Variants in ZNF600 observed in about 807,000 individuals in gnomAD.
ZNF600 encodes zinc finger protein KR-ZNF1.
A neutral mutation model predicts 7.3 loss-of-function variants in ZNF600; 4 were observed. The observed-to-expected ratio is 0.55, with a 90% CI of 0.27 to 1.25. ZNF600 has a LOEUF of 1.25. Among genes scored for constraint, ZNF600 ranks in the 50% most tolerant of loss-of-function variants. The pLI, the probability that ZNF600 is intolerant of heterozygous loss-of-function variation, is 0.12. For missense variants in ZNF600, 911 were observed against 922.1 expected, an observed-to-expected ratio of 0.99 and a Z score of 0.16; for synonymous variants, 290 against 308.9, an observed-to-expected ratio of 0.94 and a Z score of 0.64.
chr19:52,813,315 G>A, the ZNF600 span, among the ~76,000 whole-genome samples: 6 of 141,360 alleles, frequency 4.2e-5, no homozygotes, highest in Non-Finnish European at 7.6e-5. Context: ...AACTGCTGAG[G>A]AGGGACCTGT....
At chr19:52,810,429 A>G in the ZNF600 span, 2 of 1,602,936 alleles carry the variant, frequency 1.2e-6, no homozygotes, top group Non-Finnish European at 1.7e-6. Context: ...TGGCCATCCC[A>G]AAGGGTTTGC....
At chr19:52,800,957 G>C in the ZNF600 span, 2 of 1,614,066 alleles carry the variant, frequency 1.2e-6, no homozygotes, top group Non-Finnish European at 1.7e-6. Context: ...CATAAGGTTT[G>C]TCTGCAGTAT....
exon 4 of ZNF600, chr19:52,767,719 T>C: frequency 6.2e-7 from 1 of 1,609,510 alleles, no homozygotes; most frequent in Non-Finnish European, 8.5e-7. Flanking sequence ...ATCACTTCTG[T>C]ATTGCCTTGC....
chr19:52,765,126 T>C (rs1359960159), exon 4 of ZNF600: 2 of 403,958 alleles, frequency 5.0e-6, no homozygotes, highest in South Asian at 2.0e-5. Flanking sequence ...GGACTGACTC[T>C]AGTGTCAATT....
At chr19:52,772,790 C>A (rs968143158) in intron 3 of ZNF600, among the ~76,000 whole-genome samples, 32 of 152,096 alleles carry the variant, frequency 2.1e-4, no homozygotes, top group African/African-American at 7.0e-4. Context: ...AATAGTCAGC[C>A]CAGGCAGGAC....
exon 3 of ZNF600, chr19:52,774,700 C>T: frequency 1.0e-6 from 1 of 985,374 alleles, no homozygotes; most frequent in Non-Finnish European, 1.2e-6. Context: ...AGTCAAGCGT[C>T]CCTAAAATGA....
chr19:52,801,338 G>T, the ZNF600 span: 4,809 of 1,614,124 alleles, frequency 3.0e-3, 140 homozygotes, highest in African/African-American at 0.057. Flanking sequence ...AGGAAGCATT[G>T]TTGATAGACT....
At chr19:52,802,025 A>T in the ZNF600 span, among the ~76,000 whole-genome samples, 1 of 152,230 alleles carries the variant, frequency 6.6e-6, no homozygotes, top group Non-Finnish European at 1.5e-5. Context: ...TCACTATCAC[A>T]TCAAAAAAAG....
chr19:52,781,382 T>C (rs1036523157), intron 1 of ZNF600: 6 of 152,076 alleles, frequency 3.9e-5, no homozygotes, highest in African/African-American at 1.2e-4. Context: ...TATTCTGAGA[T>C]GTTCTGAGGT....
chr19:52,767,384 G>T (rs761210241), exon 4 of ZNF600: 1 of 1,614,030 alleles, frequency 6.2e-7, no homozygotes, highest in Admixed American at 1.7e-5. Flanking sequence ...AAATTCTTTG[G>T]GATGTTGAAA....
the ZNF600 span, chr19:52,800,950 A>G: frequency 6.2e-7 from 1 of 1,614,152 alleles, no homozygotes; most frequent in Non-Finnish European, 8.5e-7. Context: ...TCACATTCAT[A>G]AGGTTTGTCT....
the ZNF600 span, chr19:52,810,038 C>G: frequency 1.4e-6 from 1 of 738,636 alleles, no homozygotes; most frequent in Non-Finnish European, 2.5e-6. Context: ...AGGAGCCGCT[C>G]CAGCCCCGCG....
At chr19:52,774,646 C>A (rs200064753) in exon 3 of ZNF600, 407 of 985,276 alleles carry the variant, frequency 4.1e-4, no homozygotes, top group African/African-American at 2.1e-3. Context: ...AGGGTTCAGG[C>A]ATTTCCACTC....
At chr19:52,778,764 AC>A in intron 2 of ZNF600, 61 bp downstream of exon 4, 1 of 1,557,924 alleles carries the variant, frequency 6.4e-7, no homozygotes. Context: ...ACTGGCTGCT[AC>A]AATACCTGGC....
At chr19:52,811,689 C>T in the ZNF600 span, among the ~76,000 whole-genome samples, 8 of 146,610 alleles carry the variant, frequency 5.5e-5, no homozygotes, top group African/African-American at 1.6e-4. Context: ...GGAGCCCCTC[C>T]GTCCGGCAAC....
At chr19:52,794,339 C>T in the ZNF600 span, among the ~76,000 whole-genome samples, 1 of 152,182 alleles carries the variant, frequency 6.6e-6, no homozygotes, top group Non-Finnish European at 1.5e-5. Flanking sequence ...AAGCCACACA[C>T]TTATTTGGCA....
chr19:52,796,819 T>G, the ZNF600 span, among the ~76,000 whole-genome samples: 1 of 152,228 alleles, frequency 6.6e-6, no homozygotes. Context: ...GAATTTACAT[T>G]GCTTTGATTG....
chr19:52,794,001 TG>T, the ZNF600 span, among the ~76,000 whole-genome samples: 1 of 152,082 alleles, frequency 6.6e-6, no homozygotes, highest in African/African-American at 2.4e-5. Context: ...TGCAAGGGAA[TG>T]TGTTTGGGGG....
the ZNF600 span, among the ~76,000 whole-genome samples, chr19:52,794,642 C>A: frequency 1.3e-5 from 2 of 152,024 alleles, no homozygotes; most frequent in African/African-American, 4.8e-5. Context: ...ACCATTGAGC[C>A]CAGGAATTTG....
Sources: allele counts gnomAD v4.1 joint callset (sites outside exome capture counted in the v4.1 genomes callset), GRCh38; gene constraint gnomAD v4.1.1; transcripts MANE v1.5; gene names NCBI Gene and HGNC (gene_info 2026-07-23, HGNC 2026-07-21).